The following CYP24A1 variants were observed in gnomAD, a reference collection of about 807,000 sequenced individuals.
CYP24A1 encodes cytochrome P450 family 24 subfamily A member 1, also known as 1,25-dihydroxyvitamin D(3) 24-hydroxylase, mitochondrial.
In CYP24A1, 68 loss-of-function variants were observed where a neutral mutation model predicts 62.4. The ratio of observed to expected loss-of-function variants is 1.09; its 90% CI spans 0.90 to 1.33. The LOEUF is 1.33. Among genes scored for constraint, CYP24A1 ranks in the 40% most tolerant of loss-of-function variants. The probability of loss-of-function intolerance (pLI) is 0.00; values close to 1 mark genes in which losing one functional copy is unlikely to be tolerated. For missense variants in CYP24A1, 787 were observed against 653.0 expected, an observed-to-expected ratio of 1.21 and a Z score of -2.24; for synonymous variants, 267 against 253.0, an observed-to-expected ratio of 1.06 and a Z score of -0.52.
At chr20:54,168,780 C>T (rs997992751) in intron 4 of CYP24A1, among the ~76,000 whole-genome samples, 53 of 82,816 alleles carry the variant, frequency 6.4e-4, no homozygotes, top group East Asian at 1.1e-3. Context: ...CCTTCCTTCC[C>T]TCCCTCCCTT....
At chr20:54,153,244 T>C (rs1408176381), downstream of CYP24A1, among the ~76,000 whole-genome samples, 3 of 152,206 alleles carry the variant, frequency 2.0e-5, no homozygotes, top group Non-Finnish European at 4.4e-5. Context: ...GGGAAATATT[T>C]AAGCAGCAAC....
At chr20:54,147,807 A>G in the CYP24A1 span, among the ~76,000 whole-genome samples, 2 of 152,162 alleles carry the variant, frequency 1.3e-5, no homozygotes, top group Non-Finnish European at 2.9e-5. Flanking sequence ...CTGGGATTTA[A>G]ACCCAATCTA....
chr20:54,149,877 G>A (rs531565789), downstream of CYP24A1, among the ~76,000 whole-genome samples: 4 of 152,310 alleles, frequency 2.6e-5, no homozygotes, highest in African/African-American at 9.6e-5. Context: ...CCCTTGGTGT[G>A]GTTCTAGCAT....
chr20:54,162,220 C>CTTTTGTTTTTTT (rs1568968780), intron 7 of CYP24A1, among the ~76,000 whole-genome samples: 2 of 72,550 alleles, frequency 2.8e-5, no homozygotes, highest in African/African-American at 6.3e-5. Flanking sequence ...GAGAGTATGC[C>CTTTTGTTTTTTT]TTTTTTTTTT....
At chr20:54,149,209 C>T (rs989308700), downstream of CYP24A1, among the ~76,000 whole-genome samples, 1 of 152,164 alleles carries the variant, frequency 6.6e-6, no homozygotes, top group African/African-American at 2.4e-5. Context: ...TCCCAGGACT[C>T]GTGCCAAGTT....
In CYP24A1 at chr20:54,173,713, CG is replaced by C; in HGVS notation, c.-135del. On this transcript the variant is annotated 5_prime_UTR_variant, in exon 1 of 12. Transcript: ENST00000216862. This position sits in a 1 kb window ranked among gnomAD's most constrained non-coding sequence, Gnocchi z 7.2. The stretch of plus-strand genomic sequence containing the variant: ...AAGAGGGCCAGCTGGTGTGATGGAG[CG>C]GGGTGAGGCGGGACAGGCAGCAGAA... The C allele has an allele frequency of 1.6e-6, 1 of 639,558 alleles. No individual in the cohort carries two copies. The highest frequency in any genetic ancestry group is 2.7e-6 in the Non-Finnish European group (1 of 364,910). The allele number at this position is 639,558 out of a possible 1,614,324, so 39.6% of individuals were successfully genotyped here. A position where few individuals can be genotyped will look rare whatever the true frequency, so the allele number is the denominator to read the frequency against.
intron 7 of CYP24A1, among the ~76,000 whole-genome samples, chr20:54,162,215 T>A (rs1601132668): frequency 7.4e-6 from 1 of 135,956 alleles, no homozygotes; most frequent in African/African-American, 2.9e-5. Flanking sequence ...TGAAAGAGAG[T>A]ATGCCTTTTT....
Position 54,162,325 on chromosome 20 carries a change from G to GA in CYP24A1, c.990+391dup, listed in dbSNP as rs548121319. On this transcript the variant is annotated intron_variant, in intron 7 of 11. Coordinates refer to ENST00000216862, the MANE Select transcript of CYP24A1 (RefSeq NM_000782.5). ...AACTGAACAAAATACTTCCAATTTT[G>GA]AAAAATCTGGATTCTGTATCTTGCC... Among the ~76,000 whole-genome samples the GA allele has an allele frequency of 3.5e-3, 453 of 131,032 alleles. 4 individuals are homozygous for GA. Among genetic ancestry groups the GA allele is most frequent in the African/African-American group, 0.012 (427 of 34,636 alleles). 86.0% of individuals were successfully genotyped at this position (131,032 alleles called of 152,430 possible).
downstream of CYP24A1, among the ~76,000 whole-genome samples, chr20:54,149,050 G>A (rs1216850831): frequency 6.6e-6 from 1 of 152,162 alleles, no homozygotes; most frequent in Non-Finnish European, 1.5e-5. Context: ...GTAAGAGCAG[G>A]GACATGTTTA....
intron 4 of CYP24A1, among the ~76,000 whole-genome samples, chr20:54,166,421 A>G (rs1241064953): frequency 6.6e-6 from 1 of 152,218 alleles, no homozygotes; most frequent in Non-Finnish European, 1.5e-5. Context: ...AAGGAATGGT[A>G]AAATGAATAC....
At chr20:54,143,589 A>G in the CYP24A1 span, among the ~76,000 whole-genome samples, 1 of 152,226 alleles carries the variant, frequency 6.6e-6, no homozygotes, top group Admixed American at 6.5e-5. Context: ...TTTTTGGGGA[A>G]CAGGTGGTAT....
chr20:54,162,641 A>G (rs2092656870), intron 7 of CYP24A1, 76 bp downstream of exon 7: 1 of 892,390 alleles, frequency 1.1e-6, no homozygotes. Context: ...AATGAGATGA[A>G]TTACTATTTA....
chr20:54,167,988 C>T (rs1413159518), intron 4 of CYP24A1, among the ~76,000 whole-genome samples: 1 of 152,170 alleles, frequency 6.6e-6, no homozygotes, highest in Non-Finnish European at 1.5e-5. Flanking sequence ...GCTCATACAG[C>T]CCTCCATGAG....
intron 4 of CYP24A1, among the ~76,000 whole-genome samples, chr20:54,166,563 C>T (rs923535573): frequency 1.3e-5 from 2 of 152,168 alleles, no homozygotes; most frequent in South Asian, 2.1e-4. Context: ...GGTCACTTCA[C>T]CGTTAAATAC....
At chr20:54,148,697 C>T (rs1026325770), downstream of CYP24A1, among the ~76,000 whole-genome samples, 5 of 152,036 alleles carry the variant, frequency 3.3e-5, no homozygotes, top group African/African-American at 1.2e-4. Flanking sequence ...TAAAGAGGCT[C>T]CCATTAATCA....
chr20:54,154,858 G>A (rs2092621266), intron 11 of CYP24A1, 97 bp from the exon 12 acceptor site: 1 of 141,090 alleles, frequency 7.1e-6, no homozygotes, highest in South Asian at 2.3e-4. Context: ...ATGGTGTGGT[G>A]TTTGAAGTTT....
rs2092694070 is a variant in CYP24A1, at chr20:54,171,615, G to T, written c.505C>A (p.Pro169Thr). Residue 169 changes from proline (P) to threonine (T), a missense_variant, in exon 3 of 12, where the codon CCA (proline) becomes ACA (threonine). By Grantham distance (38) the Pro-to-Thr change is conservative. Transcript: ENST00000216862. The part of the protein sequence containing the change: ...RSAFQKKLMK[P>T]GEVMKLDNKI... ...TTGTCCAGCTTCATCACTTCCCCTG[G>T]TTTCATTAGTTTCTTTTGAAAGGCA... is the stretch of plus-strand genomic sequence containing the variant. The T allele has an allele frequency of 8.7e-6, 14 of 1,613,814 alleles. No individual in the cohort carries two copies. The highest frequency in any genetic ancestry group is 2.2e-5 in the South Asian group (2 of 91,046).
At chr20:54,145,021 G>T in the CYP24A1 span, among the ~76,000 whole-genome samples, 1 of 151,812 alleles carries the variant, frequency 6.6e-6, no homozygotes, top group African/African-American at 2.4e-5. Context: ...GTTGAGAATT[G>T]TTGTGTCTTC....
At chr20:54,161,758 C>T (rs563169553) in intron 7 of CYP24A1, among the ~76,000 whole-genome samples, 1 of 152,198 alleles carries the variant, frequency 6.6e-6, no homozygotes, top group South Asian at 2.1e-4. Context: ...GGAAAGTGAG[C>T]GAGGATGGAT....
Sources: allele counts gnomAD v4.1 joint callset (sites outside exome capture counted in the v4.1 genomes callset), GRCh38; gene constraint gnomAD v4.1.1; non-coding constraint Gnocchi (gnomAD v3.1); transcripts MANE v1.5; gene names NCBI Gene and HGNC (gene_info 2026-07-23, HGNC 2026-07-21).